Variants in NALF1 observed in about 807,000 individuals in gnomAD.
NALF1 encodes the protein family with sequence similarity 155 member A.
In NALF1, 3 loss-of-function variants were observed where a neutral mutation model predicts 48.4. That is an observed-to-expected ratio of 0.06 (90% CI 0.03 to 0.16). The LOEUF (loss-of-function observed/expected upper bound fraction) is 0.16. Among genes scored for constraint, NALF1 ranks in the 10% least tolerant of loss-of-function variants. The pLI, the probability that NALF1 is intolerant of heterozygous loss-of-function variation, is 1.00. For synonymous variants in NALF1, 262 were observed against 245.7 expected, an observed-to-expected ratio of 1.07 and a Z score of -0.62; for missense variants, 526 against 571.5, an observed-to-expected ratio of 0.92 and a Z score of 0.81.
chr13:107,853,783 A>C (rs970945089), intron 1 of NALF1, among the ~76,000 whole-genome samples: 4 of 152,238 alleles, frequency 2.6e-5, no homozygotes, highest in African/African-American at 9.6e-5. Context: ...AAAACACACA[A>C]AAATAGATTG....
chr13:107,629,464 T>G (rs1017956095), intron 1 of NALF1, among the ~76,000 whole-genome samples: 4 of 152,208 alleles, frequency 2.6e-5, no homozygotes, highest in African/African-American at 9.6e-5. Context: ...ACTATGCTTT[T>G]GATGCATTAG....
Position 107,164,685 on chromosome 13 carries a change from TAA to T in NALF1, c.*5810_*5811del, listed in dbSNP as rs1878622896. 1 of 152,134 alleles carries T rather than the reference TAA, an allele frequency of 6.6e-6. No homozygotes were observed. Among genetic ancestry groups the T allele is most frequent in the Non-Finnish European group, 1.5e-5 (1 of 68,036 alleles). The allele number at this position is 152,134 out of a possible 1,614,324, so 9.4% of individuals were successfully genotyped here. Reference sequence around the variant, plus strand: ...CGAAAATAGCCAATGCTGTTTATATTAAAAGTCATCAGAGCTCACTTTAGTTC... The same window carrying T: ...CGAAAATAGCCAATGCTGTTTATATTAAGTCATCAGAGCTCACTTTAGTTC... On this transcript the variant is annotated 3_prime_UTR_variant, in exon 3 of 3. Transcript: ENST00000375915.
intron 1 of NALF1, among the ~76,000 whole-genome samples, chr13:107,836,093 C>T (rs1879880405): frequency 6.6e-6 from 1 of 152,102 alleles, no homozygotes; most frequent in East Asian, 1.9e-4. Flanking sequence ...CTGACTCAAG[C>T]GATCCTCCCA....
intron 1 of NALF1, among the ~76,000 whole-genome samples, chr13:107,481,304 A>G (rs760874554): frequency 5.3e-5 from 8 of 152,176 alleles, no homozygotes; most frequent in Non-Finnish European, 1.2e-4. Context: ...CATCCCTAAA[A>G]TGCCGAATAA....
At chr13:107,617,589 A>C (rs1879414384) in intron 1 of NALF1, among the ~76,000 whole-genome samples, 1 of 152,196 alleles carries the variant, frequency 6.6e-6, no homozygotes, top group East Asian at 1.9e-4. Flanking sequence ...ATGAGAAAGA[A>C]CTCAGTGGGT....
At chr13:107,849,664 T>C (rs1194752174) in intron 1 of NALF1, among the ~76,000 whole-genome samples, 1 of 152,212 alleles carries the variant, frequency 6.6e-6, no homozygotes, top group Non-Finnish European at 1.5e-5. Context: ...CCTTTTATCA[T>C]CTACCTTGGA....
Position 107,183,642 on chromosome 13 carries a change from A to C in NALF1, c.1088-12856T>G, listed in dbSNP as rs532370261. On this transcript the variant is annotated intron_variant, in intron 2 of 2. Transcript: ENST00000375915. Reference sequence around the variant, plus strand: ...GATAAAGAAAATGTCGCACATATACACCATGGAATACTATGCAGCCATAAA... The same window carrying C: ...GATAAAGAAAATGTCGCACATATACCCCATGGAATACTATGCAGCCATAAA... Among the ~76,000 whole-genome samples, 4 of 152,322 alleles carry C rather than the reference A, an allele frequency of 2.6e-5. No homozygotes were observed. The East Asian group carries it at 5.8e-4, about 22-fold the overall frequency.
intron 1 of NALF1, among the ~76,000 whole-genome samples, chr13:107,528,972 G>A (rs998875065): frequency 2.6e-5 from 4 of 152,242 alleles, no homozygotes; most frequent in Non-Finnish European, 4.4e-5. Context: ...CCCATGAAAC[G>A]TGTTCCTCTT....
intron 1 of NALF1, among the ~76,000 whole-genome samples, chr13:107,474,551 T>G (rs536357255): frequency 2.0e-5 from 3 of 152,310 alleles, no homozygotes; most frequent in African/African-American, 7.2e-5. Flanking sequence ...CAACATACTT[T>G]AAAATGGGTT....
intron 1 of NALF1, among the ~76,000 whole-genome samples, chr13:107,485,337 T>A (rs1885312889): frequency 6.6e-6 from 1 of 152,152 alleles, no homozygotes; most frequent in East Asian, 1.9e-4. Flanking sequence ...GCAACCTCAA[T>A]ACTTGGATCC....
At chr13:107,840,806 T>C in intron 1 of NALF1, among the ~76,000 whole-genome samples, 1 of 152,136 alleles carries the variant, frequency 6.6e-6, no homozygotes, top group South Asian at 2.1e-4. Context: ...CACACCCTGG[T>C]CTTTCTAGTC....
At chr13:107,328,317 T>TACAC (rs1566486540) in intron 1 of NALF1, among the ~76,000 whole-genome samples, 3 of 146,482 alleles carry the variant, frequency 2.0e-5, no homozygotes, top group African/African-American at 7.6e-5. Flanking sequence ...CACACACACT[T>TACAC]TTGTTTGGCT....
At chr13:107,771,969 T>C (rs1043624899) in intron 1 of NALF1, among the ~76,000 whole-genome samples, 1 of 152,126 alleles carries the variant, frequency 6.6e-6, no homozygotes, top group Non-Finnish European at 1.5e-5. Context: ...TCTCCTGACC[T>C]CGTGATCTGC....
At chr13:107,441,943 A>G (rs753541667) in intron 1 of NALF1, among the ~76,000 whole-genome samples, 4 of 152,224 alleles carry the variant, frequency 2.6e-5, no homozygotes, top group Non-Finnish European at 5.9e-5. Flanking sequence ...AGAAAACAAT[A>G]TAAATAAAAT....
At position 107,348,574 on chromosome 13, in the gene NALF1, C is replaced by T. The variant is rs192476968; in HGVS notation, c.916-137819G>A. Among the ~76,000 whole-genome samples, 506 of 152,088 alleles carry T rather than the reference C, an allele frequency of 3.3e-3. 1 individual carries two copies. Among genetic ancestry groups the T allele is most frequent in the Admixed American group, 4.6e-3 (71 of 15,274 alleles). ...GCTCCATATGCATTAGGTTTTTGTCCGAATGCTCTCCCTCCCCTTACCTCC... is the reference window on the plus strand; with the variant it reads ...GCTCCATATGCATTAGGTTTTTGTCTGAATGCTCTCCCTCCCCTTACCTCC... On this transcript the variant is annotated intron_variant, in intron 1 of 2. Transcript: ENST00000375915.
chr13:107,619,225 C>T (rs781310018), intron 1 of NALF1, among the ~76,000 whole-genome samples: 47 of 152,136 alleles, frequency 3.1e-4, no homozygotes, highest in Non-Finnish European at 1.0e-4. Flanking sequence ...GACATGAGGA[C>T]GTTATGTTTA....
chr13:107,863,454 C>T (rs1420812673), intron 1 of NALF1, among the ~76,000 whole-genome samples: 4 of 152,020 alleles, frequency 2.6e-5, no homozygotes, highest in Admixed American at 2.6e-4. Context: ...TTGACAACAG[C>T]TATTATGGAA....
At chr13:107,345,277 T>C (rs1054483686) in intron 1 of NALF1, among the ~76,000 whole-genome samples, 9 of 152,162 alleles carry the variant, frequency 5.9e-5, no homozygotes, top group East Asian at 5.8e-4. Context: ...AAAATCTCAA[T>C]TGCATTTTTT....
intron 1 of NALF1, among the ~76,000 whole-genome samples, chr13:107,802,696 A>C (rs1052285660): frequency 2.6e-5 from 4 of 152,172 alleles, no homozygotes; most frequent in Non-Finnish European, 4.4e-5. Context: ...AATACCCAGC[A>C]TGATGCTTAG....
Sources: gnomAD v4.1 joint callset for allele counts (sites outside exome capture counted in the v4.1 genomes callset) on GRCh38, gnomAD v4.1.1 for gene constraint, MANE v1.5 for transcripts, NCBI Gene and HGNC (gene_info 2026-07-23, HGNC 2026-07-21) for gene names.